The following ERBB4 variants were observed in gnomAD, a reference collection of about 807,000 sequenced individuals.
ERBB4 encodes receptor tyrosine-protein kinase erbB-4.
A neutral mutation model predicts 158.0 loss-of-function variants in ERBB4; 42 were observed. The observed-to-expected ratio is 0.27, with a 90% CI of 0.21 to 0.34. The LOEUF (loss-of-function observed/expected upper bound fraction) is 0.34. Among genes scored for constraint, ERBB4 ranks in the 10% least tolerant of loss-of-function variants. The pLI, the probability that ERBB4 is intolerant of heterozygous loss-of-function variation, is 1.00. For synonymous variants in ERBB4, 583 were observed against 558.7 expected (o/e 1.04, Z -0.61); for missense variants, 1,333 against 1,624.1 (o/e 0.82, Z 3.08).
intron 19 of ERBB4, among the ~76,000 whole-genome samples, chr2:211,567,014 T>C (rs2067569413): frequency 6.6e-6 from 1 of 152,230 alleles, no homozygotes; most frequent in Admixed American, 6.5e-5. Context: ...CACATCTTGA[T>C]GTCTCCATCG....
At chr2:212,019,050 A>T (rs185557658) in intron 2 of ERBB4, among the ~76,000 whole-genome samples, 94 of 152,242 alleles carry the variant, frequency 6.2e-4, no homozygotes, top group Non-Finnish European at 1.0e-3. Flanking sequence ...CAGAAGCCAG[A>T]GTACAAGAAG....
At chr2:211,869,014 G>A (rs1055034369) in intron 3 of ERBB4, among the ~76,000 whole-genome samples, 18 of 152,002 alleles carry the variant, frequency 1.2e-4, no homozygotes, top group Admixed American at 6.6e-4. Flanking sequence ...ACATAAAAAT[G>A]TTTTATGACT....
At chr2:211,736,545 CTCT>C (rs1182565980) in intron 5 of ERBB4, among the ~76,000 whole-genome samples, 3 of 152,156 alleles carry the variant, frequency 2.0e-5, no homozygotes, top group Non-Finnish European at 2.9e-5. Context: ...GATCTCTGTG[CTCT>C]TCTTATATAT....
intron 1 of ERBB4, among the ~76,000 whole-genome samples, chr2:212,172,202 A>G (rs1236693208): frequency 1.3e-5 from 2 of 152,196 alleles, no homozygotes; most frequent in African/African-American, 4.8e-5. Context: ...GCAAGTCAAA[A>G]CTGTAATGAG....
intron 14 of ERBB4, among the ~76,000 whole-genome samples, chr2:211,669,382 CT>C (rs1306960470): frequency 2.0e-5 from 3 of 151,930 alleles, no homozygotes; most frequent in Admixed American, 2.0e-4. Context: ...AGTGTTTTCA[CT>C]TTTATAGGAA....
chr2:211,508,972 G>T (rs2065822472), intron 20 of ERBB4, among the ~76,000 whole-genome samples: 1 of 151,942 alleles, frequency 6.6e-6, no homozygotes, highest in African/African-American at 2.4e-5. Context: ...AAGAAAATGT[G>T]TCACATATAC....
intron 20 of ERBB4, among the ~76,000 whole-genome samples, chr2:211,560,612 A>T (rs2067364998): frequency 6.6e-6 from 1 of 152,102 alleles, no homozygotes. Context: ...TCCTAGAATG[A>T]TTTGATAAGT....
At chr2:211,618,241 T>C (rs1228485225) in intron 19 of ERBB4, among the ~76,000 whole-genome samples, 2 of 152,078 alleles carry the variant, frequency 1.3e-5, no homozygotes, top group Non-Finnish European at 2.9e-5. Context: ...TTCAACTAAA[T>C]AGATCATAAC....
At chr2:211,715,929 C>T (rs183035111) in intron 7 of ERBB4, among the ~76,000 whole-genome samples, 90 of 152,160 alleles carry the variant, frequency 5.9e-4, no homozygotes, top group African/African-American at 2.1e-3. Context: ...ACATTTCTGC[C>T]GAATGGAATA....
chr2:212,043,188 T>C (rs1428690737), intron 2 of ERBB4, among the ~76,000 whole-genome samples: 1 of 152,180 alleles, frequency 6.6e-6, no homozygotes, highest in East Asian at 1.9e-4. Context: ...TTTACTTAAG[T>C]GACAATTAGT....
intron 1 of ERBB4, among the ~76,000 whole-genome samples, chr2:212,494,553 T>C (rs560665438): frequency 4.5e-4 from 68 of 152,166 alleles, no homozygotes; most frequent in African/African-American, 1.6e-3. Context: ...CACCCAGCTA[T>C]TCATTAATCC....
At chr2:211,620,578 G>A (rs2125849998) in intron 18 of ERBB4, among the ~76,000 whole-genome samples, 1 of 152,254 alleles carries the variant, frequency 6.6e-6, no homozygotes, top group Admixed American at 6.5e-5. Context: ...TAGGCAGAAT[G>A]AATAGGGAAA....
rs146790608 is a variant in ERBB4 at position 212,101,235 on chromosome 2, G to A, written c.234+23517C>T. ...AGAACATTCCAGTGTGTAGCACATG[G>A]CGGATAATAAAAATATCATTATTGG... is the stretch of plus-strand genomic sequence containing the variant. On this transcript the variant is annotated intron_variant, in intron 2 of 27. Coordinates refer to ENST00000342788, the MANE Select transcript of ERBB4 (RefSeq NM_005235.3). Among the ~76,000 whole-genome samples, 1,055 of 151,652 alleles carry A rather than the reference G, an allele frequency of 7.0e-3. 6 individuals carry two copies. Among genetic ancestry groups the A allele is most frequent in the Middle Eastern group, 0.027 (8 of 292 alleles).
At position 212,257,419 on chromosome 2, in the gene ERBB4, T is replaced by C. The variant is rs530965468; in HGVS notation, c.83-132516A>G. Reference sequence around the variant, plus strand: ...TAAGATAATTCTAACAAAGAATCATTAATAATCAGCAAACTAACTCTTTTG... The same window carrying C: ...TAAGATAATTCTAACAAAGAATCATCAATAATCAGCAAACTAACTCTTTTG... On this transcript the variant is annotated intron_variant, in intron 1 of 27. Transcript: ENST00000342788. Among the ~76,000 whole-genome samples the C allele has an allele frequency of 2.6e-5, 4 of 152,292 alleles. No individual in the cohort carries two copies. In the South Asian group the frequency reaches 6.2e-4, roughly 24 times the overall value.
rs2068301238 is a variant in ERBB4, at chr2:211,587,003, G to A, written c.2302-24915C>T. Reference sequence around the variant, plus strand: ...GCTCCTCAACTTATGATTGGGTTATGTGCCAATAAACCTATTGTAAAATCA... The same window carrying A: ...GCTCCTCAACTTATGATTGGGTTATATGCCAATAAACCTATTGTAAAATCA... On this transcript the variant is annotated intron_variant, in intron 19 of 27. Coordinates refer to ENST00000342788, the MANE Select transcript of ERBB4 (RefSeq NM_005235.3). Among the ~76,000 whole-genome samples the A allele has an allele frequency of 2.6e-5, 4 of 152,076 alleles. No homozygotes were observed. In the South Asian group the frequency reaches 8.3e-4, roughly 31 times the overall value.
intron 3 of ERBB4, among the ~76,000 whole-genome samples, chr2:211,842,351 G>A (rs1259769680): frequency 1.3e-5 from 2 of 150,260 alleles, no homozygotes; most frequent in Non-Finnish European, 3.0e-5. Flanking sequence ...TTTCAAATAC[G>A]TTTCCACTTT....
rs557488507 is a variant in ERBB4 at position 212,454,123 on chromosome 2, T to C, written c.82+84326A>G. 4.6e-5 allele frequency among the ~76,000 whole-genome samples: 7 copies of C among 151,840 alleles called. No individual in the cohort carries two copies. The South Asian group carries it at 1.0e-3, about 23-fold the overall frequency. ...GCCCAGCTAATTTTTGTATTTTTAG[T>C]AGAGATGGGGTTTCACTATGTTGGC... On this transcript the variant is annotated intron_variant, in intron 1 of 27. Coordinates refer to ENST00000342788, the MANE Select transcript of ERBB4 (RefSeq NM_005235.3).
At chr2:211,549,139 G>A (rs550015450) in intron 20 of ERBB4, among the ~76,000 whole-genome samples, 5 of 152,138 alleles carry the variant, frequency 3.3e-5, no homozygotes, top group Admixed American at 6.5e-5. Flanking sequence ...GAAAGTTTTC[G>A]TGTTTCTAAT....
At chr2:211,387,854 A>G in intron 26 of ERBB4, 91 bp downstream of exon 26, 1 of 1,032,994 alleles carries the variant, frequency 9.7e-7, no homozygotes, top group South Asian at 1.3e-5. Flanking sequence ...GGCAAAGGCA[A>G]AATGAGGAAA....
Sources: allele counts gnomAD v4.1 joint callset (sites outside exome capture counted in the v4.1 genomes callset), GRCh38; gene constraint gnomAD v4.1.1; transcripts MANE v1.5; gene names NCBI Gene and HGNC (gene_info 2026-07-23, HGNC 2026-07-21).